Variants in SMAD6 observed in about 807,000 individuals in gnomAD.
SMAD6 encodes SMAD family member 6.
A neutral mutation model predicts 39.4 loss-of-function variants in SMAD6; 103 were observed. The observed-to-expected ratio is 2.62, with a 90% CI of 2.23 to 3.08. SMAD6 has a LOEUF of 3.08. SMAD6 is among the 30% of genes most tolerant of loss of function. The pLI is 0.00. For synonymous variants in SMAD6, 445 were observed against 353.3 expected (o/e 1.26, Z -2.91); for missense variants, 1,104 against 742.9 (o/e 1.49, Z -5.65).
intron 3 of SMAD6, among the ~76,000 whole-genome samples, chr15:66,776,022 G>A (rs759162404): frequency 9.2e-5 from 14 of 152,204 alleles, no homozygotes; most frequent in Admixed American, 1.3e-4. Context: ...TGGACACACC[G>A]CATGAAATCT....
chr15:66,704,630 C>T (rs1166681801), intron 1 of SMAD6: 1 of 152,260 alleles, frequency 6.6e-6, no homozygotes, highest in African/African-American at 2.4e-5. Context: ...CAGGGTAACC[C>T]CTCTCTGGAG....
intron 3 of SMAD6, among the ~76,000 whole-genome samples, chr15:66,752,654 C>T (rs1894027689): frequency 6.6e-6 from 1 of 151,852 alleles, no homozygotes; most frequent in South Asian, 2.1e-4. Context: ...ATTAGCTGGG[C>T]GTGGTGGCAC....
intron 1 of SMAD6, 161 bp downstream of exon 1, chr15:66,704,236 G>C: frequency 2.2e-6 from 1 of 450,094 alleles, no homozygotes; most frequent in Non-Finnish European, 3.8e-6. Flanking sequence ...ACCGGCCGAG[G>C]GGAGTGGGTG....
At chr15:66,754,396 C>T (rs1420495122) in intron 3 of SMAD6, among the ~76,000 whole-genome samples, 3 of 152,174 alleles carry the variant, frequency 2.0e-5, no homozygotes, top group Non-Finnish European at 1.5e-5. Flanking sequence ...CAGCCTCCTC[C>T]GACCACCTTC....
chr15:66,769,141 A>C (rs1261198702), intron 3 of SMAD6, among the ~76,000 whole-genome samples: 1 of 151,806 alleles, frequency 6.6e-6, no homozygotes, highest in Non-Finnish European at 1.5e-5. Context: ...CTTCTCGAAA[A>C]CCCCTTAACC....
At chr15:66,774,341 C>T (rs1223474597) in intron 3 of SMAD6, among the ~76,000 whole-genome samples, 1 of 152,218 alleles carries the variant, frequency 6.6e-6, no homozygotes, top group Admixed American at 6.5e-5. Context: ...AGACTGCAGT[C>T]AGCTCCCTTG....
intron 3 of SMAD6, among the ~76,000 whole-genome samples, chr15:66,771,865 A>G (rs1179961673): frequency 1.3e-5 from 2 of 152,188 alleles, no homozygotes; most frequent in African/African-American, 2.4e-5. Flanking sequence ...TTTGTATTTT[A>G]GAAGGGTAGA....
intron 3 of SMAD6, among the ~76,000 whole-genome samples, chr15:66,763,119 G>T (rs934644970): frequency 6.6e-6 from 1 of 152,212 alleles, no homozygotes; most frequent in Non-Finnish European, 1.5e-5. Context: ...TGCACAGTGG[G>T]CTCAGTGAGA....
At chr15:66,717,294 C>A in intron 3 of SMAD6, 2 of 476,660 alleles carry the variant, frequency 4.2e-6, no homozygotes, top group African/African-American at 2.0e-5. Flanking sequence ...GTCTGGATGG[C>A]TGTGTGTCTC....
At position 66,747,400 on chromosome 15, in the gene SMAD6, T is replaced by C. The variant is rs1466904712; in HGVS notation, c.952+30902T>C. Among the ~76,000 whole-genome samples, 1 of 152,228 alleles carries C rather than the reference T, an allele frequency of 6.6e-6. No individual in the cohort carries two copies. The highest frequency in any genetic ancestry group is 1.5e-5 in the Non-Finnish European group (1 of 68,028). On this transcript the variant is annotated intron_variant, in intron 3 of 3. Coordinates refer to ENST00000288840, the MANE Select transcript of SMAD6 (RefSeq NM_005585.5). This position sits in a 1 kb window ranked among gnomAD's most constrained non-coding sequence, Gnocchi z 4.5. ...TCAGCAGGAGGCTCTGGCCAGACTC[T>C]GCTTCCCCGTGGGGAACTAAGCCTG... is the stretch of plus-strand genomic sequence containing the variant.
chr15:66,708,785 G>C (rs770220183), intron 1 of SMAD6: 1 of 466,300 alleles, frequency 2.1e-6, no homozygotes, highest in African/African-American at 2.0e-5. Context: ...TCTAGAAAGT[G>C]ACTGCCAATG....
chr15:66,712,219 G>A (rs1276111932), intron 2 of SMAD6, among the ~76,000 whole-genome samples: 6 of 152,196 alleles, frequency 3.9e-5, no homozygotes, highest in African/African-American at 1.2e-4. Context: ...AACAATTGGA[G>A]TGTTAAAAAG....
intron 3 of SMAD6, among the ~76,000 whole-genome samples, chr15:66,755,571 C>T (rs929762593): frequency 1.2e-4 from 19 of 152,132 alleles, no homozygotes; most frequent in African/African-American, 3.9e-4. Flanking sequence ...GGAGAGGTTG[C>T]GGTGCTCAGG....
intron 3 of SMAD6, among the ~76,000 whole-genome samples, chr15:66,759,459 G>A (rs1894161516): frequency 6.6e-6 from 1 of 152,224 alleles, no homozygotes; most frequent in South Asian, 2.1e-4. Flanking sequence ...GATGAATTCT[G>A]AGATTTTAGT....
chr15:66,737,560 G>A (rs1031736705), intron 3 of SMAD6, among the ~76,000 whole-genome samples: 1 of 152,084 alleles, frequency 6.6e-6, no homozygotes, highest in Non-Finnish European at 1.5e-5. Context: ...TGGGTGAGTG[G>A]GGTCCCGTCT....
rs1246989614 is a variant in SMAD6, at chr15:66,703,100, GGC to G, written c.-156_-155del. 2.1e-6 allele frequency: 1 copy of G among 475,890 alleles called. No individual in the cohort carries two copies. The highest frequency in any genetic ancestry group is 2.0e-5 in the African/African-American group (1 of 49,358). 29.5% of individuals were successfully genotyped at this position (475,890 alleles called of 1,614,324 possible). On this transcript the variant is annotated 5_prime_UTR_variant, in exon 1 of 4. An upstream open reading frame in the 5' UTR loses its in-frame stop. Transcript: ENST00000288840. Reference sequence around the variant, plus strand: ...GAGCTCCCTCATGTTGTCGCCCTGCGGCGCCCCTTCGACGACAGGCTGTGCGC... The same window carrying G: ...GAGCTCCCTCATGTTGTCGCCCTGCGGCCCCTTCGACGACAGGCTGTGCGC...
In SMAD6 at chr15:66,738,885, G is replaced by A. The variant is rs555465781; in HGVS notation, c.952+22387G>A. On this transcript the variant is annotated intron_variant, in intron 3 of 3. Transcript: ENST00000288840. ...GGTGGTATCTTTGAGTCACTGCAGT[G>A]CATTCACAGGCGTCCTTCTCTGGGT... is the stretch of plus-strand genomic sequence containing the variant. 1.6e-3 allele frequency among the ~76,000 whole-genome samples: 238 copies of A among 152,236 alleles called. 1 individual carries two copies. Among genetic ancestry groups the A allele is most frequent in the African/African-American group, 5.0e-3 (209 of 41,520 alleles).
At chr15:66,725,010 A>G (rs1033907474) in intron 3 of SMAD6, among the ~76,000 whole-genome samples, 2 of 152,140 alleles carry the variant, frequency 1.3e-5, no homozygotes, top group Non-Finnish European at 2.9e-5. Flanking sequence ...GCCGGGCTCT[A>G]GGGTCCCCCT....
rs866061987 is a variant in SMAD6, at chr15:66,702,442, G to A, written c.-817G>A. The A allele has an allele frequency of 2.0e-4, 31 of 152,134 alleles. No homozygotes were observed. Among genetic ancestry groups the A allele is most frequent in the Middle Eastern group, 3.1e-3 (1 of 318 alleles). The allele number at this position is 152,134 out of a possible 1,614,324, so 9.4% of individuals were successfully genotyped here. On this transcript the variant is annotated 5_prime_UTR_variant, in exon 1 of 4. Transcript: ENST00000288840. ...GGCACTTTTGTGGAGGGGGGAGGGG[G>A]GGCGACCTCGGCAGCCTCGGCGCAC...
Sources: gnomAD v4.1 joint callset for allele counts (sites outside exome capture counted in the v4.1 genomes callset) on GRCh38, gnomAD v4.1.1 for gene constraint, Gnocchi (gnomAD v3.1) non-coding constraint, MANE v1.5 for transcripts, NCBI Gene and HGNC (gene_info 2026-07-23, HGNC 2026-07-21) for gene names.